ATCAY: variants seen among roughly 807,000 people sequenced by gnomAD.
The protein encoded by ATCAY is caytaxin.
A neutral mutation model predicts 47.7 loss-of-function variants in ATCAY; 22 were observed. The observed-to-expected ratio is 0.46, with a 90% CI of 0.33 to 0.66. The LOEUF (loss-of-function observed/expected upper bound fraction) is 0.66, where lower values mean the gene tolerates loss of function less well. ATCAY is among the 30% of genes least tolerant of loss of function. The pLI, the probability that ATCAY is intolerant of heterozygous loss-of-function variation, is 0.02. For synonymous variants in ATCAY, 216 were observed against 207.6 expected (o/e 1.04, Z -0.35); for missense variants, 452 against 515.0 (o/e 0.88, Z 1.18).
At chr19:3,886,544 C>T (rs577932987) in intron 2 of ATCAY, among the ~76,000 whole-genome samples, 14 of 149,558 alleles carry the variant, frequency 9.4e-5, no homozygotes, top group Admixed American at 2.0e-4. Flanking sequence ...GAGCCGAGAT[C>T]GCGCCACTGC....
In ATCAY at chr19:3,907,907, G is replaced by A. The variant is rs2038878624; in HGVS notation, c.532G>A (p.Val178Ile). The A allele has an allele frequency of 4.3e-6, 7 of 1,613,496 alleles. No individual in the cohort carries two copies. In the African/African-American group the frequency reaches 8.0e-5, roughly 18 times the overall value. Residue 178 changes from valine (V) to isoleucine (I), a missense_variant, in exon 5 of 13, where the codon GTC (valine) becomes ATC (isoleucine). Val to Ile is a conservative substitution (Grantham distance 29). Coordinates refer to ENST00000450849, the MANE Select transcript of ATCAY (RefSeq NM_033064.5). This position sits in a 1 kb window ranked among gnomAD's most constrained non-coding sequence, Gnocchi z 5.1. ...LHMIRPYMKV[V>I]THGGYYGEGL... Reference sequence around the variant, plus strand: ...CATGATCCGGCCTTACATGAAAGTGGTCACCCACGGAGGTGAGACCCGCCC... The same window carrying A: ...CATGATCCGGCCTTACATGAAAGTGATCACCCACGGAGGTGAGACCCGCCC...
At position 3,909,478 on chromosome 19, in the gene ATCAY, G is replaced by T; in HGVS notation, c.648-8G>T. On this transcript the variant is annotated splice_region_variant and splice_polypyrimidine_tract_variant and intron_variant, in intron 6 of 12. Transcript: ENST00000450849. ...GTTGGGTCCCTGCCTTCTGTGCCCC[G>T]TGAGCAGGTACGTCATCAGCAGCTT... The T allele has an allele frequency of 6.2e-7, 1 of 1,612,062 alleles. No individual in the cohort carries two copies. Among genetic ancestry groups the T allele is most frequent in the South Asian group, 1.1e-5 (1 of 91,054 alleles).
Position 3,885,818 on chromosome 19 carries a change from G to A in ATCAY, c.51G>A (p.Glu17=), listed in dbSNP as rs1377359395. Residue 17 remains glutamate, a synonymous_variant, in exon 2 of 13, where the codon GAG becomes GAA. Coordinates refer to ENST00000450849, the MANE Select transcript of ATCAY (RefSeq NM_033064.5). ...GGATGGAAAACGTGGACGTGAAGGA[G>A]GAATGGCAGGACGAAGATCTTCCCA... is the stretch of plus-strand genomic sequence containing the variant. ...TLRMENVDVK[E]EWQDEDLPRP... The A allele has an allele frequency of 5.8e-6, 9 of 1,552,362 alleles. No homozygotes were observed. Among genetic ancestry groups the A allele is most frequent in the Middle Eastern group, 1.8e-4 (1 of 5,570 alleles).
chr19:3,918,711 G>C, intron 10 of ATCAY, 95 bp from the exon 11 acceptor site: 1 of 1,343,302 alleles, frequency 7.4e-7, no homozygotes. Context: ...GGTCCCAGGG[G>C]ACAGGAAAAC....
intron 11 of ATCAY, among the ~76,000 whole-genome samples, chr19:3,919,246 C>T (rs577447385): frequency 3.3e-5 from 5 of 151,320 alleles, no homozygotes; most frequent in South Asian, 4.2e-4. Flanking sequence ...CCACTGCACT[C>T]GGCGACAAAG....
At chr19:3,905,069 G>C (rs1386377500) in intron 3 of ATCAY, among the ~76,000 whole-genome samples, 2 of 152,068 alleles carry the variant, frequency 1.3e-5, no homozygotes, top group Non-Finnish European at 2.9e-5. Flanking sequence ...ATGTTGGCCA[G>C]GCTGGTCTCG....
intron 2 of ATCAY, among the ~76,000 whole-genome samples, chr19:3,902,131 AG>A (rs1400770323): frequency 6.6e-6 from 1 of 152,088 alleles, no homozygotes; most frequent in East Asian, 1.9e-4. Context: ...TGGGCAACAT[AG>A]TGAGACCCCA....
intron 4 of ATCAY, among the ~76,000 whole-genome samples, chr19:3,906,486 AG>A (rs2038862360): frequency 6.6e-6 from 1 of 151,674 alleles, no homozygotes; most frequent in African/African-American, 2.4e-5. Context: ...TATTTTTAGT[AG>A]AGATGGGGTT....
chr19:3,887,734 C>T lies in ATCAY; in HGVS notation c.77+1890C>T, dbSNP rs1001710816. Among the ~76,000 whole-genome samples the T allele has an allele frequency of 8.6e-5, 13 of 150,958 alleles. 1 individual carries two copies. Among genetic ancestry groups the T allele is most frequent in the Admixed American group, 4.6e-4 (7 of 15,196 alleles). The stretch of plus-strand genomic sequence containing the variant: ...ATCGTCTGACCTCGTGATCCGCCCA[C>T]CTCGGCCTCCCAAAGTGCTGGGATT... On this transcript the variant is annotated intron_variant, in intron 2 of 12. Coordinates refer to ENST00000450849, the MANE Select transcript of ATCAY (RefSeq NM_033064.5).
At chr19:3,888,656 G>C (rs929004491) in intron 2 of ATCAY, among the ~76,000 whole-genome samples, 2 of 152,072 alleles carry the variant, frequency 1.3e-5, no homozygotes, top group Admixed American at 6.6e-5. Flanking sequence ...TCCAGTTCCA[G>C]GAAAATTTCA....
At chr19:3,881,869 C>T (rs887358012) in intron 1 of ATCAY, among the ~76,000 whole-genome samples, 2 of 140,982 alleles carry the variant, frequency 1.4e-5, no homozygotes, top group Admixed American at 1.4e-4. Context: ...TGCCACCGCC[C>T]CCCCCCCGAC....
chr19:3,913,657 G>T, intron 8 of ATCAY, 101 bp from the exon 9 acceptor site: 2 of 816,742 alleles, frequency 2.4e-6, no homozygotes, highest in South Asian at 3.0e-5. Flanking sequence ...CCTGGAGTGG[G>T]GTCCTGTGGG....
At chr19:3,892,678 A>G (rs918702816) in intron 2 of ATCAY, among the ~76,000 whole-genome samples, 2 of 152,110 alleles carry the variant, frequency 1.3e-5, no homozygotes, top group Admixed American at 1.3e-4. Context: ...AGGCCAAGGC[A>G]GGTGGATCAC....
intron 11 of ATCAY, among the ~76,000 whole-genome samples, chr19:3,919,551 C>T (rs1272568471): frequency 1.3e-5 from 2 of 152,020 alleles, no homozygotes; most frequent in African/African-American, 4.8e-5. Flanking sequence ...GAGATCAGAC[C>T]ACTGCACTCC....
At position 3,907,939 on chromosome 19, in the gene ATCAY, GC is replaced by G; in HGVS notation, c.544+25del. 6.2e-7 allele frequency: 1 copy of G among 1,607,252 alleles called. No individual in the cohort carries two copies. The highest frequency in any genetic ancestry group is 8.5e-7 in the Non-Finnish European group (1 of 1,176,944). On this transcript the variant is annotated intron_variant, in intron 5 of 12. Coordinates refer to ENST00000450849, the MANE Select transcript of ATCAY (RefSeq NM_033064.5). The surrounding 1 kb of genome is among the most constrained non-coding windows in gnomAD (Gnocchi z 5.1). ...ACGGAGGTGAGACCCGCCCCCCGGTGCCCCCTTGGGGCTCCAGCCCGGCCCA... is the reference window on the plus strand; with the variant it reads ...ACGGAGGTGAGACCCGCCCCCCGGTGCCCCTTGGGGCTCCAGCCCGGCCCA...
intron 8 of ATCAY, among the ~76,000 whole-genome samples, chr19:3,912,671 G>C (rs1286170479): frequency 6.6e-6 from 1 of 151,976 alleles, no homozygotes; most frequent in African/African-American, 2.4e-5. Flanking sequence ...CTTGAGGCCA[G>C]GAGTTGAAGA....
At position 3,926,645 on chromosome 19, in the gene ATCAY, G is replaced by A. The variant is rs1278305769; in HGVS notation, c.*2053G>A. On this transcript the variant is annotated 3_prime_UTR_variant, in exon 13 of 13. Transcript: ENST00000450849. Reference sequence around the variant, plus strand: ...GCAGTGATACAGAAAGATTTGCCCTGTGGGACAGGGTCCTGCGCGAGTCCC... The same window carrying A: ...GCAGTGATACAGAAAGATTTGCCCTATGGGACAGGGTCCTGCGCGAGTCCC... The A allele has an allele frequency of 6.6e-6, 1 of 152,250 alleles. No homozygotes were observed. The highest frequency in any genetic ancestry group is 1.5e-5 in the Non-Finnish European group (1 of 68,078). 9.4% of individuals were successfully genotyped at this position (152,250 alleles called of 1,614,324 possible).
At chr19:3,893,171 C>CTTTTTT (rs34910855) in intron 2 of ATCAY, among the ~76,000 whole-genome samples, 1 of 111,878 alleles carries the variant, frequency 8.9e-6, no homozygotes, top group African/African-American at 3.3e-5. Context: ...GGGACCCCCA[C>CTTTTTT]TTTTTTTTTT....
At chr19:3,890,296 T>C (rs1026901201) in intron 2 of ATCAY, among the ~76,000 whole-genome samples, 2 of 115,646 alleles carry the variant, frequency 1.7e-5, no homozygotes, top group Non-Finnish European at 3.3e-5. Context: ...AAAGTCTCAC[T>C]CTGTCACCTA....
Sources: allele counts gnomAD v4.1 joint callset (sites outside exome capture counted in the v4.1 genomes callset), GRCh38; gene constraint gnomAD v4.1.1; non-coding constraint Gnocchi (gnomAD v3.1); transcripts MANE v1.5; gene names NCBI Gene and HGNC (gene_info 2026-07-23, HGNC 2026-07-21).